FBXO22: variants seen among roughly 807,000 people sequenced by gnomAD.
The protein encoded by FBXO22 is F-box only protein 22.
In FBXO22, 13 loss-of-function variants were observed where a neutral mutation model predicts 37.2. That is an observed-to-expected ratio of 0.35 (90% CI 0.23 to 0.56). The LOEUF is 0.56. Ranked by LOEUF, FBXO22 falls within the 20% of genes least tolerant of loss-of-function variation. The probability of loss-of-function intolerance (pLI) is 0.87; values close to 1 mark genes in which losing one functional copy is unlikely to be tolerated. For synonymous variants in FBXO22, 189 were observed against 189.1 expected, an observed-to-expected ratio of 1.00 and a Z score of 0.00; for missense variants, 446 against 509.9, an observed-to-expected ratio of 0.87 and a Z score of 1.21.
chr15:75,930,815 CTGTT>C, intron 6 of FBXO22: 2 of 985,394 alleles, frequency 2.0e-6, no homozygotes, highest in African/African-American at 1.7e-5. Flanking sequence ...GTTTCCCACT[CTGTT>C]TAATATTTGC....
At position 75,938,941 on chromosome 15, in the gene FBXO22, A is replaced by G. The variant is rs2030657998; in HGVS notation, c.*5839A>G. ...AGAAAAATGCAACATACCAAAATTT[A>G]TAGGATGCAGTGAAAGCACTGCTAA... On this transcript the variant is annotated 3_prime_UTR_variant, in exon 7 of 7. Transcript: ENST00000308275. 6.6e-6 allele frequency: 1 copy of G among 152,176 alleles called. No homozygotes were observed. The highest frequency in any genetic ancestry group is 1.5e-5 in the Non-Finnish European group (1 of 68,026). The allele number at this position is 152,176 out of a possible 1,614,324, so 9.4% of individuals were successfully genotyped here.
At position 75,913,198 on chromosome 15, in the gene FBXO22, TGCA is replaced by T. The variant is rs1595912388; in HGVS notation, c.280-3_280-1del. The T allele has an allele frequency of 6.2e-7, 1 of 1,603,594 alleles. No homozygotes were observed. The highest frequency in any genetic ancestry group is 8.5e-7 in the Non-Finnish European group (1 of 1,176,986). The stretch of plus-strand genomic sequence containing the variant: ...CCAATTCCAATTTTTTTTTTTTCTT[TGCA>T]GAATGTTCGCATCTTACCACATACA... On this transcript the variant is annotated splice_acceptor_variant and splice_polypyrimidine_tract_variant and intron_variant, in intron 2 of 6. Coordinates refer to ENST00000308275, the MANE Select transcript of FBXO22 (RefSeq NM_147188.3). LOFTEE classifies it high-confidence loss of function.
chr15:75,918,227 G>T (rs566659696), intron 5 of FBXO22, among the ~76,000 whole-genome samples: 1 of 152,010 alleles, frequency 6.6e-6, no homozygotes, highest in African/African-American at 2.4e-5. Flanking sequence ...GTAAAAAATT[G>T]TGTAGCAGCA....
At chr15:75,906,835 C>T (rs1899940602) in intron 2 of FBXO22, among the ~76,000 whole-genome samples, 1 of 151,956 alleles carries the variant, frequency 6.6e-6, no homozygotes, top group Non-Finnish European at 1.5e-5. Flanking sequence ...TCTGGAGCAT[C>T]GTTTATAATA....
chr15:75,930,948 A>G, intron 6 of FBXO22: 1 of 823,836 alleles, frequency 1.2e-6, no homozygotes, highest in Non-Finnish European at 1.5e-6. Context: ...CTGGGAAAAT[A>G]GCTAAAGTTG....
chr15:75,930,388 C>T (rs2029970199), intron 6 of FBXO22: 3 of 1,178,970 alleles, frequency 2.5e-6, no homozygotes, highest in Admixed American at 4.2e-5. Context: ...AAAGGAAACA[C>T]ATGGTTAGAG....
In FBXO22 at chr15:75,942,185, A is replaced by AT. The variant is rs2031058059; in HGVS notation, c.*9083_*9084insT. 1 of 152,084 alleles carries AT rather than the reference A, an allele frequency of 6.6e-6. No individual in the cohort carries two copies. Among genetic ancestry groups the AT allele is most frequent in the African/African-American group, 2.4e-5 (1 of 41,418 alleles). The allele number at this position is 152,084 out of a possible 1,614,324, so 9.4% of individuals were successfully genotyped here. ...AGAGGGAGGGGTAAATACATGGAGT[A>AT]GAGATTTTTAGGGTGGTGAAACTAC... is the stretch of plus-strand genomic sequence containing the variant. On this transcript the variant is annotated 3_prime_UTR_variant, in exon 7 of 7. Transcript: ENST00000308275.
At position 75,941,864 on chromosome 15, in the gene FBXO22, G is replaced by T. The variant is rs989045461; in HGVS notation, c.*8762G>T. 2.9e-5 allele frequency: 4 copies of T among 139,772 alleles called. No individual in the cohort carries two copies. Among genetic ancestry groups the T allele is most frequent in the African/African-American group, 1.1e-4 (4 of 36,946 alleles). The allele number at this position is 139,772 out of a possible 1,614,324, so 8.7% of individuals were successfully genotyped here. A position where few individuals can be genotyped will look rare whatever the true frequency, so the allele number is the denominator to read the frequency against. Reference sequence around the variant, plus strand: ...GGTACATACAACGAATGTATTTAATGCCTTTAAACTGTAACTTCAAAATGG... The same window carrying T: ...GGTACATACAACGAATGTATTTAATTCCTTTAAACTGTAACTTCAAAATGG... On this transcript the variant is annotated 3_prime_UTR_variant, in exon 7 of 7. Transcript: ENST00000308275.
At chr15:75,913,506 T>C (rs942782888) in intron 3 of FBXO22, among the ~76,000 whole-genome samples, 1 of 152,170 alleles carries the variant, frequency 6.6e-6, no homozygotes, top group African/African-American at 2.4e-5. Flanking sequence ...AACAAATTCG[T>C]TAGAAAGGTG....
intron 2 of FBXO22, among the ~76,000 whole-genome samples, chr15:75,904,855 G>T (rs1899889181): frequency 8.1e-6 from 1 of 123,976 alleles, no homozygotes; most frequent in African/African-American, 3.1e-5. Flanking sequence ...ACGTAGTCTC[G>T]CTCTGTGGCC....
At position 75,904,008 on chromosome 15, in the gene FBXO22, A is replaced by G. The variant is rs1363722304; in HGVS notation, c.45A>G (p.Val15=). 9.5e-6 allele frequency: 15 copies of G among 1,579,898 alleles called. No individual in the cohort carries two copies. The South Asian group carries it at 1.4e-4, about 15-fold the overall frequency. Reference sequence around the variant, plus strand: ...GCGGCGAGTGCCGCGGCTCCTCCGTAGACCCGCGGAGCACCTTCGTGTTGA... The same window carrying G: ...GCGGCGAGTGCCGCGGCTCCTCCGTGGACCCGCGGAGCACCTTCGTGTTGA... ...GCCGECRGSS[V]DPRSTFVLSN... Residue 15 remains valine, a synonymous_variant, in exon 1 of 7, where the codon GTA becomes GTG. Coordinates refer to ENST00000308275, the MANE Select transcript of FBXO22 (RefSeq NM_147188.3).
At chr15:75,914,827 TG>T (rs1446767310) in intron 4 of FBXO22, among the ~76,000 whole-genome samples, 2 of 152,202 alleles carry the variant, frequency 1.3e-5, no homozygotes, top group Non-Finnish European at 2.9e-5. Context: ...CCTAACTTCA[TG>T]GGGCTTCACT....
chr15:75,914,209 A>C lies in FBXO22; in HGVS notation c.463+4A>C, dbSNP rs777426049. The C allele has an allele frequency of 6.2e-7, 1 of 1,601,618 alleles. No individual in the cohort carries two copies. Among genetic ancestry groups the C allele is most frequent in the East Asian group, 2.2e-5 (1 of 44,788 alleles). On this transcript the variant is annotated splice_donor_region_variant and intron_variant, in intron 4 of 6. Coordinates refer to ENST00000308275, the MANE Select transcript of FBXO22 (RefSeq NM_147188.3). ...ATTGTGACCCCAGGAATTGTAGGTGAGATAAATTAGCAACTTGATGATTTC... is the reference window on the plus strand; with the variant it reads ...ATTGTGACCCCAGGAATTGTAGGTGCGATAAATTAGCAACTTGATGATTTC...
chr15:75,909,686 G>A (rs2141704099), intron 2 of FBXO22, among the ~76,000 whole-genome samples: 1 of 152,124 alleles, frequency 6.6e-6, no homozygotes, highest in Admixed American at 6.5e-5. Flanking sequence ...AAGAGCATGA[G>A]TGAAAAGTAA....
intron 5 of FBXO22, among the ~76,000 whole-genome samples, chr15:75,923,091 CT>C (rs1321367601): frequency 6.6e-6 from 1 of 152,154 alleles, no homozygotes; most frequent in East Asian, 1.9e-4. Flanking sequence ...GGGCAGTACT[CT>C]GTCCTCTGTC....
chr15:75,936,446 A>G lies in FBXO22; in HGVS notation c.*3344A>G, dbSNP rs189426606. The G allele has an allele frequency of 1.3e-5, 2 of 152,342 alleles. No individual in the cohort carries two copies. Among genetic ancestry groups the G allele is most frequent in the Admixed American group, 1.3e-4 (2 of 15,308 alleles). The allele number at this position is 152,342 out of a possible 1,614,324, so 9.4% of individuals were successfully genotyped here. A position where few individuals can be genotyped will look rare whatever the true frequency, so the allele number is the denominator to read the frequency against. The stretch of plus-strand genomic sequence containing the variant: ...GGAAGAATAATCAAATATTTGCAAA[A>G]TATGTTATTTTTGTTTTATATATTT... On this transcript the variant is annotated 3_prime_UTR_variant, in exon 7 of 7. Coordinates refer to ENST00000308275, the MANE Select transcript of FBXO22 (RefSeq NM_147188.3).
intron 5 of FBXO22, among the ~76,000 whole-genome samples, chr15:75,924,863 A>G (rs1900406314): frequency 6.6e-6 from 1 of 152,206 alleles, no homozygotes; most frequent in African/African-American, 2.4e-5. Flanking sequence ...CACACCTGGG[A>G]TCCTCCCTCT....
Position 75,916,118 on chromosome 15 carries a change from GA to G in FBXO22, c.464-1102del, listed in dbSNP as rs575408512. ...TTTATACTAGTAATAGTTATTTTTA[GA>G]AAAAAAAAATTAGAAGATTCAGATA... On this transcript the variant is annotated intron_variant, in intron 4 of 6. Coordinates refer to ENST00000308275, the MANE Select transcript of FBXO22 (RefSeq NM_147188.3). Among the ~76,000 whole-genome samples, 1,216 of 134,442 alleles carry G rather than the reference GA, an allele frequency of 9.0e-3. 6 individuals carry two copies. Among genetic ancestry groups the G allele is most frequent in the Non-Finnish European group, 0.013 (821 of 62,102 alleles). The allele number at this position is 134,442 out of a possible 152,430, so 88.2% of individuals were successfully genotyped here.
chr15:75,929,434 G>C (rs543378584), intron 5 of FBXO22, among the ~76,000 whole-genome samples: 2 of 152,110 alleles, frequency 1.3e-5, no homozygotes, highest in South Asian at 2.1e-4. Context: ...ACTATAAGTG[G>C]TTAGCGCCTT....
Sources: gnomAD v4.1 joint callset for allele counts (sites outside exome capture counted in the v4.1 genomes callset) on GRCh38, gnomAD v4.1.1 for gene constraint, MANE v1.5 for transcripts, NCBI Gene and HGNC (gene_info 2026-07-23, HGNC 2026-07-21) for gene names.